Variants in THOC2 observed in about 807,000 individuals in gnomAD.
THOC2 encodes the protein THO complex subunit 2.
In THOC2, 10 loss-of-function variants were observed where a neutral mutation model predicts 128.4. The ratio of observed to expected loss-of-function variants is 0.08; its 90% CI spans 0.05 to 0.13. The LOEUF (loss-of-function observed/expected upper bound fraction) is 0.13, where lower values mean the gene tolerates loss of function less well. THOC2 is among the 10% of genes least tolerant of loss of function. THOC2 has a pLI of 1.00. For synonymous variants in THOC2, 393 were observed against 396.9 expected, an observed-to-expected ratio of 0.99 and a Z score of 0.12; for missense variants, 535 against 1,155.7, an observed-to-expected ratio of 0.46 and a Z score of 7.79.
intron 22 of THOC2, among the ~76,000 whole-genome samples, chrX:123,630,746 C>T (rs2047451441): frequency 9.0e-6 from 1 of 110,617 alleles, no homozygotes; most frequent in South Asian, 3.9e-4. Context: ...AACGAAGGCT[C>T]TTCAACAGAG....
chrX:123,732,824 A>G, intron 1 of THOC2, 128 bp downstream of exon 1: 5 of 723,984 alleles, frequency 6.9e-6, no homozygotes, highest in Non-Finnish European at 1.1e-5. Context: ...CTAGACGACC[A>G]TCCACGCCCG....
At chrX:123,627,651 C>A (rs2047315667) in intron 23 of THOC2, 42 bp downstream of exon 23, 1 of 1,169,882 alleles carries the variant, frequency 8.5e-7, no homozygotes, top group Non-Finnish European at 1.2e-6. Context: ...ACATTGAATA[C>A]CATAAAGTTA....
chrX:123,636,017 A>G, intron 19 of THOC2, 62 bp downstream of exon 19: 2 of 935,406 alleles, frequency 2.1e-6, no homozygotes, highest in Non-Finnish European at 3.0e-6. Flanking sequence ...CAGAGTCTCA[A>G]TAACCCCAAA....
At chrX:123,651,732 C>A (rs185654652) in intron 12 of THOC2, among the ~76,000 whole-genome samples, 6 of 106,942 alleles carry the variant, frequency 5.6e-5, no homozygotes, top group East Asian at 5.9e-4. Context: ...TACGCCCCCC[C>A]CCCAAGACTA....
intron 12 of THOC2, among the ~76,000 whole-genome samples, chrX:123,652,555 CCTT>C (rs2048403284): frequency 1.8e-5 from 2 of 111,973 alleles, no homozygotes; most frequent in South Asian, 7.4e-4. Context: ...CCCACAATCT[CCTT>C]AAGCTGATAA....
At chrX:123,654,988 T>A (rs1046082624) in intron 12 of THOC2, among the ~76,000 whole-genome samples, 1 of 110,119 alleles carries the variant, frequency 9.1e-6, no homozygotes, top group Non-Finnish European at 1.9e-5. Flanking sequence ...GTTGTAGATA[T>A]AACTAGATAA....
chrX:123,663,538 T>TAA lies in THOC2; in HGVS notation c.1386+2102_1386+2103dup, dbSNP rs5903644. On this transcript the variant is annotated intron_variant, in intron 12 of 38. Coordinates refer to ENST00000245838, the MANE Select transcript of THOC2 (RefSeq NM_001081550.2). ...AATTATACCTCAAAGCTGATTTTTT[T>TAA]AAAAAAAAAAAGCATAAATGGTTAT... is the stretch of plus-strand genomic sequence containing the variant. Among the ~76,000 whole-genome samples, 1,338 of 100,878 alleles carry TAA rather than the reference T, an allele frequency of 0.013. 79 individuals are homozygous for TAA. The East Asian group carries it at 0.27, about 20-fold the overall frequency. 87.6% of individuals were successfully genotyped at this position (100,878 alleles called of 115,157 possible). A position where few individuals can be genotyped will look rare whatever the true frequency, so the allele number is the denominator to read the frequency against.
At chrX:123,720,651 G>A (rs1376191848) in intron 1 of THOC2, among the ~76,000 whole-genome samples, 3 of 110,837 alleles carry the variant, frequency 2.7e-5, no homozygotes, top group African/African-American at 9.9e-5. Flanking sequence ...CCTAGAGGTA[G>A]AAACAACCTA....
intron 1 of THOC2, among the ~76,000 whole-genome samples, chrX:123,724,502 T>G (rs1488445908): frequency 9.2e-6 from 1 of 108,372 alleles, no homozygotes; most frequent in Non-Finnish European, 1.9e-5. Context: ...CTGGCCAACA[T>G]GATGAAACCT....
At chrX:123,602,190 A>G (rs2046306251) in intron 38 of THOC2, 1 of 112,735 alleles carries the variant, frequency 8.9e-6, no homozygotes, top group Non-Finnish European at 1.9e-5. Context: ...AATCACTTAC[A>G]TGAAATGCTG....
At chrX:123,661,140 C>T (rs1034263487) in intron 12 of THOC2, among the ~76,000 whole-genome samples, 2 of 112,542 alleles carry the variant, frequency 1.8e-5, no homozygotes, top group Non-Finnish European at 3.8e-5. Flanking sequence ...CACAGTGGCT[C>T]ACGCCTGTAA....
chrX:123,699,980 A>G (rs1408430303), intron 4 of THOC2, among the ~76,000 whole-genome samples: 2 of 111,423 alleles, frequency 1.8e-5, no homozygotes, highest in Non-Finnish European at 3.8e-5. Context: ...AACTCATAAC[A>G]CCATTCTAAT....
At position 123,614,070 on chromosome X, in the gene THOC2, G is replaced by A. The variant is rs922460485; in HGVS notation, c.4431C>T (p.Asp1477=). 8.3e-7 allele frequency: 1 copy of A among 1,202,590 alleles called. No homozygotes were observed. Among genetic ancestry groups the A allele is most frequent in the Non-Finnish European group, 1.1e-6 (1 of 893,154 alleles). ...TACAAACCCTTTTCCGCTCTTTCCT[G>A]TCCTTTTCATCTTTTTTCTCTCTTT... is the stretch of plus-strand genomic sequence containing the variant. ...SREREKKDEK[D]RKERKRDHSN... Residue 1477 remains aspartate (D), a synonymous_variant, in exon 34 of 39, where the codon GAC becomes GAT. Coordinates refer to ENST00000245838, the MANE Select transcript of THOC2 (RefSeq NM_001081550.2).
In THOC2 at chrX:123,679,952, A is replaced by G. The variant is rs138385619; in HGVS notation, c.768+6596T>C. Among the ~76,000 whole-genome samples the G allele has an allele frequency of 4.5e-3, 502 of 111,975 alleles. 3 individuals carry two copies. The highest frequency in any genetic ancestry group is 0.016 in the African/African-American group (481 of 30,802). ...GGACACAAACCACTGCACACAAAAC[A>G]CTGCGGAAGGCTGCAGGGACCCCTG... On this transcript the variant is annotated intron_variant, in intron 8 of 38. Transcript: ENST00000245838.
chrX:123,662,205 A>C (rs1360918130), intron 12 of THOC2, among the ~76,000 whole-genome samples: 3 of 111,614 alleles, frequency 2.7e-5, no homozygotes, highest in African/African-American at 6.5e-5. Flanking sequence ...CATGATTCAC[A>C]ACTTTAAAGA....
At chrX:123,618,542 A>T (rs1376029155) in intron 33 of THOC2, among the ~76,000 whole-genome samples, 1 of 112,062 alleles carries the variant, frequency 8.9e-6, no homozygotes, top group Non-Finnish European at 1.9e-5. Context: ...AATCATGCTT[A>T]GCTGATTTCT....
chrX:123,673,985 T>A (rs765320019), intron 8 of THOC2, among the ~76,000 whole-genome samples: 1 of 112,400 alleles, frequency 8.9e-6, no homozygotes, highest in Non-Finnish European at 1.9e-5. Context: ...TGATTTCAAC[T>A]GAGACTTGTT....
intron 12 of THOC2, among the ~76,000 whole-genome samples, chrX:123,648,818 G>C (rs767819617): frequency 8.9e-5 from 10 of 111,929 alleles, no homozygotes; most frequent in Non-Finnish European, 1.7e-4. Context: ...GCCCCAGTCA[G>C]GGGCTTATAA....
chrX:123,625,203 T>C (rs1488004114), intron 25 of THOC2, among the ~76,000 whole-genome samples: 1 of 111,374 alleles, frequency 9.0e-6, no homozygotes, highest in Non-Finnish European at 1.9e-5. Context: ...ACCATTCTCC[T>C]GCCTCAGCCT....
Sources: allele counts gnomAD v4.1 joint callset (sites outside exome capture counted in the v4.1 genomes callset), GRCh38; gene constraint gnomAD v4.1.1; transcripts MANE v1.5; gene names NCBI Gene and HGNC (gene_info 2026-07-23, HGNC 2026-07-21).